The following AXDND1 variants were observed in gnomAD, a reference collection of about 807,000 sequenced individuals.
AXDND1 encodes the protein axonemal dynein light chain domain containing 1.
Under a neutral mutation model 137.5 loss-of-function variants are expected in AXDND1, and 110 were observed. The observed-to-expected ratio is 0.80, with a 90% CI of 0.69 to 0.94. The LOEUF (loss-of-function observed/expected upper bound fraction) is 0.94, where lower values mean the gene tolerates loss of function less well. Among genes scored for constraint, AXDND1 ranks in the 40% least tolerant of loss-of-function variants. The pLI, the probability that AXDND1 is intolerant of heterozygous loss-of-function variation, is 0.00. For synonymous variants in AXDND1, 414 were observed against 399.7 expected (o/e 1.04, Z -0.43); for missense variants, 1,191 against 1,169.8 (o/e 1.02, Z -0.26).
chr1:179,502,291 G>T (rs1221313187), intron 20 of AXDND1, among the ~76,000 whole-genome samples: 1 of 152,168 alleles, frequency 6.6e-6, no homozygotes, highest in African/African-American at 2.4e-5. Flanking sequence ...TAGGCCGAGT[G>T]TGGTGGCTTA....
At chr1:179,401,386 A>G (rs1253718905) in intron 11 of AXDND1, among the ~76,000 whole-genome samples, 4 of 152,156 alleles carry the variant, frequency 2.6e-5, no homozygotes, top group African/African-American at 9.6e-5. Flanking sequence ...CCAAACCAGT[A>G]TCCAATCTAA....
chr1:179,521,271 T>C (rs1383007661), intron 21 of AXDND1, among the ~76,000 whole-genome samples: 4 of 152,184 alleles, frequency 2.6e-5, no homozygotes, highest in Non-Finnish European at 5.9e-5. Context: ...TTTTATATGC[T>C]GTGACTTTAC....
intron 17 of AXDND1, among the ~76,000 whole-genome samples, chr1:179,469,494 C>A (rs773357004): frequency 2.7e-4 from 41 of 152,068 alleles, no homozygotes; most frequent in Admixed American, 2.6e-4. Flanking sequence ...TTTTTGTGGA[C>A]AAACATTTGT....
chr1:179,464,403 G>C (rs1558219231), intron 16 of AXDND1, among the ~76,000 whole-genome samples: 2 of 152,134 alleles, frequency 1.3e-5, no homozygotes, highest in Non-Finnish European at 2.9e-5. Flanking sequence ...TGAAATTCTG[G>C]GTTGAAAATT....
intron 21 of AXDND1, 51 bp from the exon 22 acceptor site, chr1:179,525,279 ATAAT>A: frequency 2.0e-6 from 3 of 1,503,392 alleles, no homozygotes; most frequent in Non-Finnish European, 2.7e-6. Flanking sequence ...TTTTGAACAA[ATAAT>A]TGCTAATATT....
intron 22 of AXDND1, 67 bp from the exon 23 acceptor site, chr1:179,528,240 GGTGCCAGGAAACTTGCTACC>G (rs1186598147): frequency 2.2e-5 from 19 of 855,896 alleles, no homozygotes; most frequent in African/African-American, 6.8e-5. Context: ...CTTCCAACAT[GGTGCCAGGAAACTTGCTACC>G]GTGCCAGGAA....
intron 20 of AXDND1, among the ~76,000 whole-genome samples, chr1:179,499,683 G>A (rs915667780): frequency 2.0e-5 from 3 of 152,074 alleles, no homozygotes; most frequent in Non-Finnish European, 4.4e-5. Flanking sequence ...CCCAAAATTG[G>A]TCTGCTAAAA....
At chr1:179,540,504 T>G (rs1357957730) in intron 25 of AXDND1, among the ~76,000 whole-genome samples, 2 of 152,238 alleles carry the variant, frequency 1.3e-5, no homozygotes, top group African/African-American at 4.8e-5. Context: ...CCTGTTTGCC[T>G]GGGTATCATC....
At chr1:179,551,259 T>G (rs773755270) in intron 25 of AXDND1, 1 of 1,614,002 alleles carries the variant, frequency 6.2e-7, no homozygotes, top group African/African-American at 1.3e-5. Flanking sequence ...CCCTGAGTTC[T>G]GTTGCTGGGA....
At chr1:179,380,204 G>A (rs61821515) in intron 6 of AXDND1, among the ~76,000 whole-genome samples, 7 of 151,670 alleles carry the variant, frequency 4.6e-5, no homozygotes, top group Non-Finnish European at 8.8e-5. Context: ...AGCTGAGATC[G>A]CGCCACTGCA....
rs944415656 is a variant in AXDND1 at position 179,432,034 on chromosome 1, T to A, written c.1488-233T>A. On this transcript the variant is annotated intron_variant, in intron 14 of 25. Coordinates refer to ENST00000367618, the MANE Select transcript of AXDND1 (RefSeq NM_144696.6). ...TCAAGAGACCACCCTTTAAAAAAAA[T>A]ACTCTTGTGGCCCATGGCCCTGTAA... Among the ~76,000 whole-genome samples the A allele has an allele frequency of 3.1e-4, 47 of 152,164 alleles. 1 individual carries two copies. Among genetic ancestry groups the A allele is most frequent in the Non-Finnish European group, 1.5e-5 (1 of 68,024 alleles).
In AXDND1 at chr1:179,525,400, AAGG is replaced by A. The variant is rs755552478; in HGVS notation, c.2568_2570del (p.Glu856del). 1.2e-6 allele frequency: 2 copies of A among 1,612,410 alleles called. No homozygotes were observed. Among genetic ancestry groups the A allele is most frequent in the Non-Finnish European group, 1.7e-6 (2 of 1,178,972 alleles). ...TTTTAAAGAAGATGAAGAAGAAAGTAAGGAGGATAGGAAACTTCAGGAGGAAAA... is the reference window on the plus strand; with the variant it reads ...TTTTAAAGAAGATGAAGAAGAAAGTAAGGATAGGAAACTTCAGGAGGAAAA... On this transcript the variant is annotated inframe_deletion, in exon 22 of 26. Coordinates refer to ENST00000367618, the MANE Select transcript of AXDND1 (RefSeq NM_144696.6).
At chr1:179,420,438 T>A (rs1466980578) in intron 12 of AXDND1, among the ~76,000 whole-genome samples, 2 of 152,180 alleles carry the variant, frequency 1.3e-5, no homozygotes, top group Non-Finnish European at 2.9e-5. Context: ...GTTTTGATAT[T>A]AGGGTAATGC....
intron 16 of AXDND1, chr1:179,452,873 A>T (rs1316600073): frequency 6.6e-6 from 1 of 151,558 alleles, no homozygotes; most frequent in Non-Finnish European, 1.5e-5. Flanking sequence ...TCCCATCATA[A>T]GCCTGGAGGC....
chr1:179,414,439 T>TTTA (rs1558143305), intron 12 of AXDND1, among the ~76,000 whole-genome samples: 2 of 70,024 alleles, frequency 2.9e-5, no homozygotes, highest in South Asian at 1.4e-3. Flanking sequence ...TTATTTATTT[T>TTTA]TTTGAGATGG....
intron 25 of AXDND1, chr1:179,551,015 C>G: frequency 1.1e-5 from 9 of 821,606 alleles, no homozygotes; most frequent in South Asian, 1.6e-5. Flanking sequence ...CATCATTTCA[C>G]CGTCTTCTCA....
intron 11 of AXDND1, among the ~76,000 whole-genome samples, chr1:179,403,895 G>A (rs1476271104): frequency 1.3e-5 from 2 of 152,032 alleles, no homozygotes; most frequent in Admixed American, 1.3e-4. Context: ...GTTTTAAGTG[G>A]ATATTTGAGC....
At chr1:179,422,429 T>G (rs1655905804) in intron 12 of AXDND1, among the ~76,000 whole-genome samples, 1 of 152,248 alleles carries the variant, frequency 6.6e-6, no homozygotes, top group African/African-American at 2.4e-5. Context: ...TTCTGTGTGT[T>G]TATGAAGTAT....
chr1:179,550,868 A>G (rs1213231710), intron 25 of AXDND1: 1 of 414,140 alleles, frequency 2.4e-6, no homozygotes, highest in Non-Finnish European at 4.5e-6. Context: ...CATCTGAACC[A>G]AGTTCCCAGA....
Sources: gnomAD v4.1 joint callset for allele counts (sites outside exome capture counted in the v4.1 genomes callset) on GRCh38, gnomAD v4.1.1 for gene constraint, MANE v1.5 for transcripts, NCBI Gene and HGNC (gene_info 2026-07-23, HGNC 2026-07-21) for gene names.